Variants in TECR observed in about 807,000 individuals in gnomAD.
TECR encodes trans-2,3-enoyl-CoA reductase, also known as very-long-chain enoyl-CoA reductase.
In TECR, 19 loss-of-function variants were observed where a neutral mutation model predicts 50.6. The observed-to-expected ratio is 0.38, with a 90% CI of 0.26 to 0.55. The LOEUF is 0.55. TECR is among the 20% of genes least tolerant of loss of function. The pLI is 0.79. For missense variants in TECR, 313 were observed against 408.3 expected (o/e 0.77, Z 2.01); for synonymous variants, 168 against 163.5 (o/e 1.03, Z -0.21).
chr19:14,553,772 CT>C (rs1040733710), intron 1 of TECR, among the ~76,000 whole-genome samples: 2 of 152,124 alleles, frequency 1.3e-5, no homozygotes, highest in Non-Finnish European at 2.9e-5. Context: ...CCTCCGACCT[CT>C]ATGCTGGGCA....
intron 1 of TECR, among the ~76,000 whole-genome samples, chr19:14,559,855 C>G (rs903410516): frequency 6.6e-6 from 1 of 152,166 alleles, no homozygotes; most frequent in Non-Finnish European, 1.5e-5. Context: ...CCTGCTCCCC[C>G]CAGAGCCTTT....
chr19:14,557,341 A>T (rs1300824976), intron 1 of TECR, among the ~76,000 whole-genome samples: 2 of 150,686 alleles, frequency 1.3e-5, no homozygotes, highest in Non-Finnish European at 3.0e-5. Flanking sequence ...GGGTTTCACC[A>T]TGTTGGGCAG....
chr19:14,540,349 T>G (rs748643732), intron 1 of TECR, among the ~76,000 whole-genome samples: 1 of 152,124 alleles, frequency 6.6e-6, no homozygotes, highest in East Asian at 1.9e-4. Flanking sequence ...ATTACAGGCG[T>G]GAGCCACTGT....
intron 11 of TECR, 104 bp from the exon 12 acceptor site, chr19:14,565,514 T>A: frequency 1.3e-6 from 2 of 1,522,292 alleles, no homozygotes; most frequent in Non-Finnish European, 1.8e-6. Context: ...TTCCCATCCC[T>A]GACTCAGAAA....
At chr19:14,534,579 G>C (rs760007806) in intron 1 of TECR, among the ~76,000 whole-genome samples, 1 of 151,742 alleles carries the variant, frequency 6.6e-6, no homozygotes, top group Non-Finnish European at 1.5e-5. Flanking sequence ...GTTATTACAG[G>C]TGGGTGCCAC....
chr19:14,529,430 C>T (rs1413589584), upstream of TECR: 7 of 614,856 alleles, frequency 1.1e-5, no homozygotes, highest in African/African-American at 1.8e-5. Flanking sequence ...AGGCGTTCCG[C>T]CCCCTTCGAT....
At chr19:14,537,070 C>T (rs551095582) in intron 1 of TECR, among the ~76,000 whole-genome samples, 20 of 133,898 alleles carry the variant, frequency 1.5e-4, no homozygotes, top group African/African-American at 5.4e-4. Flanking sequence ...CAGAGTTTAG[C>T]AGGAAAAGGC....
Position 14,563,041 on chromosome 19 carries a change from C to T in TECR, c.67-165C>T, listed in dbSNP as rs2073948482. On this transcript the variant is annotated intron_variant, in intron 2 of 12. Transcript: ENST00000215567. This position sits in a 1 kb window ranked among gnomAD's most constrained non-coding sequence, Gnocchi z 5.3. Reference sequence around the variant, plus strand: ...CCCTGCTGTCACTGCACTGGCAGGGCCCTCGGTGGTCCTTCCCTGACTGCA... The same window carrying T: ...CCCTGCTGTCACTGCACTGGCAGGGTCCTCGGTGGTCCTTCCCTGACTGCA... The T allele has an allele frequency of 2.5e-6, 2 of 794,920 alleles. No homozygotes were observed. The highest frequency in any genetic ancestry group is 1.7e-5 in the South Asian group (1 of 60,068). The allele number at this position is 794,920 out of a possible 1,614,324, so 49.2% of individuals were successfully genotyped here. A position where few individuals can be genotyped will look rare whatever the true frequency, so the allele number is the denominator to read the frequency against.
chr19:14,535,543 AATATATATATATATATATATATATAT>A (rs747348455), intron 1 of TECR, among the ~76,000 whole-genome samples: 4,264 of 32,606 alleles, frequency 0.13, 275 homozygotes, highest in South Asian at 0.22. Context: ...AAAAAAAAAA[AATATATATATATATATATATATATAT>A]ATATATATAT....
At chr19:14,533,145 G>A (rs907563934) in intron 1 of TECR, among the ~76,000 whole-genome samples, 6 of 151,522 alleles carry the variant, frequency 4.0e-5, no homozygotes, top group African/African-American at 1.5e-4. Context: ...TTTCAGCTGG[G>A]CACAGTGGCT....
At chr19:14,530,870 C>T (rs1339448543) in intron 1 of TECR, 1 of 152,198 alleles carries the variant, frequency 6.6e-6, no homozygotes, top group East Asian at 1.9e-4. Flanking sequence ...ACCATCACCA[C>T]CACCCATCTC....
At chr19:14,540,209 A>G (rs1437131871) in intron 1 of TECR, among the ~76,000 whole-genome samples, 1 of 150,784 alleles carries the variant, frequency 6.6e-6, no homozygotes, top group African/African-American at 2.4e-5. Context: ...ACAGGCACCC[A>G]CCACCACGCC....
intron 1 of TECR, among the ~76,000 whole-genome samples, chr19:14,543,583 C>T (rs1261280743): frequency 2.7e-4 from 40 of 146,220 alleles, no homozygotes; most frequent in African/African-American, 8.7e-4. Flanking sequence ...GGACTACAGG[C>T]GCCCGCTACC....
chr19:14,533,432 GA>G (rs1173725001), intron 1 of TECR, among the ~76,000 whole-genome samples: 2 of 151,664 alleles, frequency 1.3e-5, no homozygotes, highest in South Asian at 2.1e-4. Flanking sequence ...AAAAAAAAAA[GA>G]AAAAAATCTA....
chr19:14,535,756 CAAA>C (rs1161257175), intron 1 of TECR, among the ~76,000 whole-genome samples: 2 of 51,940 alleles, frequency 3.9e-5, no homozygotes, highest in African/African-American at 8.1e-5. Context: ...GACTCTGTCT[CAAA>C]AAAAAAAAAA....
intron 1 of TECR, chr19:14,545,876 C>G (rs2073290715): frequency 6.5e-6 from 1 of 152,698 alleles, no homozygotes; most frequent in Admixed American, 6.5e-5. Flanking sequence ...GGAAATGGGT[C>G]ACAACGCAGC....
In TECR at chr19:14,565,807, G is replaced by C. The variant is rs780892632; in HGVS notation, c.863G>C (p.Ser288Thr). Residue 288 changes from serine (S) to threonine (T), a missense_variant, in exon 13 of 13, where the codon AGC becomes ACC. By Grantham distance (58) the Ser-to-Thr change is moderately conservative. Coordinates refer to ENST00000215567, the MANE Select transcript of TECR (RefSeq NM_138501.6). ...MTIWAKGKHR[S>T]YLKEFRDYPP... Reference sequence around the variant, plus strand: ...ATCTGGGCCAAGGGCAAGCACCGCAGCTACCTGAAGGAGTTCCGGGACTAC... The same window carrying C: ...ATCTGGGCCAAGGGCAAGCACCGCACCTACCTGAAGGAGTTCCGGGACTAC... The C allele has an allele frequency of 6.2e-7, 1 of 1,602,910 alleles. No homozygotes were observed. The highest frequency in any genetic ancestry group is 1.7e-5 in the Admixed American group (1 of 58,390).
chr19:14,561,840 A>G (rs1435961905), intron 1 of TECR: 2 of 155,974 alleles, frequency 1.3e-5, no homozygotes, highest in African/African-American at 2.4e-5. Flanking sequence ...AGAAGGGGAA[A>G]TGGATGATCT....
intron 1 of TECR, among the ~76,000 whole-genome samples, chr19:14,534,956 T>C (rs1438808747): frequency 6.6e-6 from 1 of 152,170 alleles, no homozygotes; most frequent in Non-Finnish European, 1.5e-5. Context: ...TGCTGTGTTC[T>C]GAGGACAGAG....
Sources: allele counts gnomAD v4.1 joint callset (sites outside exome capture counted in the v4.1 genomes callset), GRCh38; gene constraint gnomAD v4.1.1; non-coding constraint Gnocchi (gnomAD v3.1); transcripts MANE v1.5; gene names NCBI Gene and HGNC (gene_info 2026-07-23, HGNC 2026-07-21).